The following COPG1 variants were observed in gnomAD, a reference collection of about 807,000 sequenced individuals.
COPG1 encodes the protein coat protein complex I subunit gamma 1.
COPG1 carries 29 observed loss-of-function variants against 102.8 expected under a neutral mutation model. That is an observed-to-expected ratio of 0.28 (90% CI 0.21 to 0.38). COPG1 has a LOEUF of 0.38. COPG1 is among the 10% of genes least tolerant of loss of function. The pLI is 1.00. For synonymous variants in COPG1, 406 were observed against 421.6 expected (o/e 0.96, Z 0.45); for missense variants, 875 against 1,132.7 (o/e 0.77, Z 3.27).
chr3:129,253,065 C>T (rs1034057059), intron 5 of COPG1, 110 bp downstream of exon 5: 2 of 883,452 alleles, frequency 2.3e-6, no homozygotes. Flanking sequence ...AGCTGCCCAC[C>T]CCGTGGCAGC....
At chr3:129,259,254 A>T (rs942620679) in intron 10 of COPG1, among the ~76,000 whole-genome samples, 5 of 152,090 alleles carry the variant, frequency 3.3e-5, no homozygotes, top group Admixed American at 1.3e-4. Flanking sequence ...CCAGGTCAGG[A>T]GTCCGAGGCC....
At position 129,254,680 on chromosome 3, in the gene COPG1, C is replaced by T. The variant is rs138065578; in HGVS notation, c.336C>T (p.Asp112=). ...TTCTTCCCTGCAGCCTAACAAAAGA[C>T]ATGACTGGGAAAGAAGACAACTACC... ...VIIVTSSLTK[D]MTGKEDNYRG... Residue 112 remains aspartate (D), a synonymous_variant, in exon 6 of 24, where the codon GAC becomes GAT. Coordinates refer to ENST00000314797, the MANE Select transcript of COPG1 (RefSeq NM_016128.4). 3 of 1,613,936 alleles carry T rather than the reference C, an allele frequency of 1.9e-6. No homozygotes were observed. The highest frequency in any genetic ancestry group is 2.7e-5 in the African/African-American group (2 of 74,928).
chr3:129,255,179 CTTT>C (rs56978948), intron 7 of COPG1, 102 bp downstream of exon 7: 161 of 609,434 alleles, frequency 2.6e-4, no homozygotes, highest in East Asian at 3.2e-4. Flanking sequence ...TTCTTTCTTT[CTTT>C]TTTTTTTTTT....
chr3:129,259,623 T>G (rs758615425), intron 10 of COPG1, among the ~76,000 whole-genome samples: 24 of 152,162 alleles, frequency 1.6e-4, no homozygotes, highest in Admixed American at 3.9e-4. Flanking sequence ...TTTTTTTGAG[T>G]ATTAGAGAAT....
Position 129,265,804 on chromosome 3 carries a change from C to T in COPG1, c.1468+12C>T. 2 of 1,611,370 alleles carry T rather than the reference C, an allele frequency of 1.2e-6. No individual in the cohort carries two copies. Among genetic ancestry groups the T allele is most frequent in the Non-Finnish European group, 8.5e-7 (1 of 1,177,932 alleles). ...GGAGGTCCGGGCAGGTAGGTCTGAG[C>T]CAGGGCTGAACTTGGAAACTTAGCT... On this transcript the variant is annotated intron_variant, in intron 14 of 23. Transcript: ENST00000314797.
chr3:129,257,598 C>T lies in COPG1; in HGVS notation c.708C>T (p.Ala236=), dbSNP rs778835626. The T allele has an allele frequency of 2.5e-6, 4 of 1,614,064 alleles. No individual in the cohort carries two copies. In the Admixed American group the frequency reaches 5.0e-5, roughly 20 times the overall value. The change falls in exon 9 of 24, where the codon GCC becomes GCT. Residue 236 remains alanine (A), a synonymous_variant. Transcript: ENST00000314797. ...CCTACTGCATGATGATCCGGGTGGC[C>T]AGCAAGCAGCTGGAAGAGGAGGATG... ...PFAYCMMIRV[A]SKQLEEEDGS... is the part of the protein sequence containing the mutation.
chr3:129,265,616 G>A lies in COPG1; in HGVS notation c.1292G>A (p.Ser431Asn), dbSNP rs1328927331. 3 of 1,614,248 alleles carry A rather than the reference G, an allele frequency of 1.9e-6. No homozygotes were observed. Among genetic ancestry groups the A allele is most frequent in the Admixed American group, 3.3e-5 (2 of 60,026 alleles). ...IISIIEENSE[S>N]KETGLSHLCE... ...AGCATCATTGAAGAGAACTCAGAGA[G>A]CAAGGAGACAGGGCTGTCACATCTG... Residue 431 changes from serine to asparagine, a missense_variant, in exon 14 of 24, where the codon AGC becomes AAC. Transcript: ENST00000314797.
chr3:129,260,956 C>A, intron 12 of COPG1, 149 bp downstream of exon 12: 1 of 740,706 alleles, frequency 1.4e-6, no homozygotes, highest in Non-Finnish European at 2.2e-6. Context: ...TCTGCAGAGA[C>A]TTGGCCTTCC....
intron 5 of COPG1, among the ~76,000 whole-genome samples, chr3:129,253,256 CAA>C (rs1436306460): frequency 1.3e-5 from 2 of 152,152 alleles, no homozygotes; most frequent in African/African-American, 4.8e-5. Context: ...GAAAAATAAA[CAA>C]GAGAGTACAA....
At chr3:129,254,376 G>C (rs972834997) in intron 5 of COPG1, 2 of 352,154 alleles carry the variant, frequency 5.7e-6, no homozygotes, top group Non-Finnish European at 1.0e-5. Flanking sequence ...GCAAAGGCTG[G>C]AGAGGAGTGA....
chr3:129,256,212 G>T, intron 8 of COPG1, 58 bp downstream of exon 8: 1 of 1,480,892 alleles, frequency 6.8e-7, no homozygotes. Context: ...TAAGGCACTG[G>T]CCAGTTGGCA....
chr3:129,272,705 C>G, intron 20 of COPG1, 102 bp from the exon 21 acceptor site: 1 of 702,382 alleles, frequency 1.4e-6, no homozygotes. Context: ...TAGCAGGGGC[C>G]TAGAAAGCAG....
Position 129,275,371 on chromosome 3 carries a change from C to A in COPG1, c.2494+79C>A. ...ACTGGATCCTGGGCTAAGGACTCCA[C>A]TGTAAATATGGGGAGTCAAAATTCA... On this transcript the variant is annotated intron_variant, in intron 23 of 23. Transcript: ENST00000314797. The surrounding 1 kb of genome is among the most constrained non-coding windows in gnomAD (Gnocchi z 5.0). 1 of 1,032,894 alleles carries A rather than the reference C, an allele frequency of 9.7e-7. No individual in the cohort carries two copies. Among genetic ancestry groups the A allele is most frequent in the Non-Finnish European group, 1.5e-6 (1 of 674,550 alleles). The allele number at this position is 1,032,894 out of a possible 1,614,324, so 64.0% of individuals were successfully genotyped here.
chr3:129,262,516 G>A (rs1242247489), intron 12 of COPG1, among the ~76,000 whole-genome samples: 5 of 152,062 alleles, frequency 3.3e-5, no homozygotes, highest in Non-Finnish European at 7.4e-5. Flanking sequence ...GCCTCCCAAA[G>A]TGCTGGGATT....
rs4927955 is a variant in COPG1, at chr3:129,250,969, G to T, written c.90+235G>T. 3.1e-3 allele frequency: 1,267 copies of T among 412,388 alleles called. 5 individuals are homozygous for T. The highest frequency in any genetic ancestry group is 0.012 in the African/African-American group (549 of 44,698). The allele number at this position is 412,388 out of a possible 1,614,324, so 25.5% of individuals were successfully genotyped here. A position where few individuals can be genotyped will look rare whatever the true frequency, so the allele number is the denominator to read the frequency against. On this transcript the variant is annotated intron_variant, in intron 2 of 23. Transcript: ENST00000314797. The stretch of plus-strand genomic sequence containing the variant: ...GACAGAGTCTTGCTCTGTCGCTCAG[G>T]CTGGAGTGCAGTGGCGTGATCTCGG...
intron 1 of COPG1, 139 bp from the exon 2 acceptor site, chr3:129,250,543 G>T (rs907020891): frequency 9.4e-5 from 64 of 677,508 alleles, no homozygotes; most frequent in Non-Finnish European, 1.3e-5. Context: ...TAGACAGATT[G>T]TAGAGGCTTG....
chr3:129,258,061 A>C (rs1466792160), intron 10 of COPG1, among the ~76,000 whole-genome samples: 1 of 152,192 alleles, frequency 6.6e-6, no homozygotes, highest in Non-Finnish European at 1.5e-5. Flanking sequence ...GTTCCATCTG[A>C]CTGCTGAAGA....
In COPG1 at chr3:129,257,864, A is replaced by C; in HGVS notation, c.871+4A>C. On this transcript the variant is annotated splice_donor_region_variant and intron_variant, in intron 10 of 23. Coordinates refer to ENST00000314797, the MANE Select transcript of COPG1 (RefSeq NM_016128.4). ...GAGCTGGCCCCGGCTGTGTCAGGTCACTGGGCATTCCTTCACCCAGCCTCA... is the reference window on the plus strand; with the variant it reads ...GAGCTGGCCCCGGCTGTGTCAGGTCCCTGGGCATTCCTTCACCCAGCCTCA... 1 of 1,612,678 alleles carries C rather than the reference A, an allele frequency of 6.2e-7. No individual in the cohort carries two copies. Among genetic ancestry groups the C allele is most frequent in the Non-Finnish European group, 8.5e-7 (1 of 1,179,766 alleles).
rs145887362 is a variant in COPG1, at chr3:129,270,428, T to C, written c.1844-1339T>C. Among the ~76,000 whole-genome samples, 12 of 152,310 alleles carry C rather than the reference T, an allele frequency of 7.9e-5. No individual in the cohort carries two copies. The East Asian group carries it at 1.4e-3, about 17-fold the overall frequency. ...CAACGCTGTGATCAAGATAATGATATCAGTTTTATTGATGAAGAGTCTGAA... is the reference window on the plus strand; with the variant it reads ...CAACGCTGTGATCAAGATAATGATACCAGTTTTATTGATGAAGAGTCTGAA... On this transcript the variant is annotated intron_variant, in intron 18 of 23. Transcript: ENST00000314797.
Sources: allele counts gnomAD v4.1 joint callset (sites outside exome capture counted in the v4.1 genomes callset), GRCh38; gene constraint gnomAD v4.1.1; non-coding constraint Gnocchi (gnomAD v3.1); transcripts MANE v1.5; gene names NCBI Gene and HGNC (gene_info 2026-07-23, HGNC 2026-07-21).